Variants in RABGEF1 observed in about 807,000 individuals in gnomAD.
RABGEF1 encodes rab5 GDP/GTP exchange factor.
RABGEF1 carries 26 observed loss-of-function variants against 57.3 expected under a neutral mutation model. The observed-to-expected ratio is 0.45, with a 90% CI of 0.33 to 0.63. RABGEF1 has a LOEUF of 0.63. RABGEF1 is among the 20% of genes least tolerant of loss of function. The pLI, the probability that RABGEF1 is intolerant of heterozygous loss-of-function variation, is 0.02. For missense variants in RABGEF1, 464 were observed against 607.6 expected (o/e 0.76, Z 2.48); for synonymous variants, 185 against 210.7 (o/e 0.88, Z 1.06).
chr7:66,727,816 T>A (rs1477169679), intron 2 of RABGEF1, among the ~76,000 whole-genome samples: 1 of 152,186 alleles, frequency 6.6e-6, no homozygotes, highest in East Asian at 1.9e-4. Flanking sequence ...TCTGTGTTCA[T>A]GTTAACAATA....
chr7:66,724,809 G>A (rs1796421996), intron 2 of RABGEF1, among the ~76,000 whole-genome samples: 3 of 152,058 alleles, frequency 2.0e-5, no homozygotes, highest in Admixed American at 1.3e-4. Flanking sequence ...GATTAATATT[G>A]TCCTATAGGT....
intron 2 of RABGEF1, among the ~76,000 whole-genome samples, chr7:66,717,182 A>G (rs1414609015): frequency 6.6e-6 from 1 of 152,114 alleles, no homozygotes; most frequent in Non-Finnish European, 1.5e-5. Flanking sequence ...TTATTTTATT[A>G]TATCTCTTTG....
chr7:66,769,091 A>C (rs1454147906), intron 1 of RABGEF1: 3 of 152,306 alleles, frequency 2.0e-5, no homozygotes, highest in East Asian at 1.9e-4. Flanking sequence ...GCTGGAGCCC[A>C]AACTAGAGGA....
intron 2 of RABGEF1, among the ~76,000 whole-genome samples, chr7:66,712,572 G>C (rs1282067094): frequency 6.6e-6 from 1 of 152,056 alleles, no homozygotes. Flanking sequence ...CCGGGCTGAA[G>C]GGATCCTCGC....
Position 66,800,523 on chromosome 7 carries a change from T to G in RABGEF1, c.820+1109T>G, listed in dbSNP as rs1338992718. ...CAAGTGGCCCAGATCAATACTATTG[T>G]TTTTTTTTCTTGCAAGCTTTTCTGC... On this transcript the variant is annotated intron_variant, in intron 7 of 8. Coordinates refer to ENST00000284957, the MANE Select transcript of RABGEF1 (RefSeq NM_014504.3). 2.6e-5 allele frequency among the ~76,000 whole-genome samples: 4 copies of G among 151,426 alleles called. No individual in the cohort carries two copies. The South Asian group carries it at 6.3e-4, about 24-fold the overall frequency.
intron 4 of RABGEF1, among the ~76,000 whole-genome samples, chr7:66,784,074 G>T (rs1163019863): frequency 6.6e-6 from 1 of 152,218 alleles, no homozygotes; most frequent in African/African-American, 2.4e-5. Context: ...ATTCTGACCT[G>T]AAGCCACTTG....
At chr7:66,720,261 G>A (rs1229238779) in intron 2 of RABGEF1, among the ~76,000 whole-genome samples, 2 of 148,178 alleles carry the variant, frequency 1.3e-5, no homozygotes, top group African/African-American at 2.5e-5. Flanking sequence ...GCAGTGGCGC[G>A]ATCTCGGCTC....
intron 1 of RABGEF1, among the ~76,000 whole-genome samples, chr7:66,709,181 G>T (rs1297960305): frequency 6.6e-6 from 1 of 151,824 alleles, no homozygotes; most frequent in Non-Finnish European, 1.5e-5. Context: ...GCTAATTTTT[G>T]TATTTTTAGT....
At chr7:66,730,557 C>CTTTTTTTTT (rs888301191) in intron 2 of RABGEF1, among the ~76,000 whole-genome samples, 2 of 130,852 alleles carry the variant, frequency 1.5e-5, no homozygotes, top group Admixed American at 7.8e-5. Flanking sequence ...GTTTCTTTTT[C>CTTTTTTTTT]TTTTTTTTTT....
Position 66,705,489 on chromosome 7 carries a change from AG to A in RABGEF1, c.-872-6672del, listed in dbSNP as rs559187584. Among the ~76,000 whole-genome samples the A allele has an allele frequency of 5.6e-4, 36 of 64,310 alleles. 1 individual carries two copies. In the South Asian group the frequency reaches 0.015, roughly 26 times the overall value. 42.2% of individuals were successfully genotyped at this position (64,310 alleles called of 152,430 possible). ...AGAGAGAGAGAGAGAGAGAGAGAGGAGGGGGGAGGGGGAGGAAGCAGAGGAG... is the reference window on the plus strand; with the variant it reads ...AGAGAGAGAGAGAGAGAGAGAGAGGAGGGGGAGGGGGAGGAAGCAGAGGAG... On this transcript the variant is annotated intron_variant and NMD_transcript_variant, in intron 1 of 9. Transcript: ENST00000607882.
At chr7:66,776,013 A>T (rs2129125143) in intron 3 of RABGEF1, among the ~76,000 whole-genome samples, 1 of 152,350 alleles carries the variant, frequency 6.6e-6, no homozygotes, top group South Asian at 2.1e-4. Context: ...CTTAAGTCAC[A>T]GTTGTTCTAC....
chr7:66,736,394 C>T (rs1183633784), upstream of RABGEF1, among the ~76,000 whole-genome samples: 4 of 152,156 alleles, frequency 2.6e-5, no homozygotes, highest in South Asian at 2.1e-4. Flanking sequence ...ACAACCTATA[C>T]CACTATATGG....
intron 1 of RABGEF1, among the ~76,000 whole-genome samples, chr7:66,741,120 G>A (rs895654199): frequency 1.4e-4 from 21 of 152,154 alleles, no homozygotes; most frequent in Non-Finnish European, 2.6e-4. Context: ...CTCTCCGGCG[G>A]CTCCCCTCGC....
chr7:66,789,682 C>CAAAAA (rs35661980), intron 4 of RABGEF1, among the ~76,000 whole-genome samples: 1 of 57,466 alleles, frequency 1.7e-5, no homozygotes, highest in African/African-American at 7.5e-5. Context: ...GACTCTATCT[C>CAAAAA]AAAAAAAAAA....
chr7:66,659,790 A>T, the RABGEF1 span, among the ~76,000 whole-genome samples: 428 of 151,936 alleles, frequency 2.8e-3, 2 homozygotes, highest in African/African-American at 9.9e-3. Flanking sequence ...AAAAAAATAA[A>T]TAAATAAAAA....
intron 1 of RABGEF1, among the ~76,000 whole-genome samples, chr7:66,705,927 G>A (rs1250644450): frequency 8.7e-6 from 1 of 114,430 alleles, no homozygotes; most frequent in African/African-American, 3.5e-5. Flanking sequence ...ACGGAGTCTC[G>A]CTTTGTCGCC....
intron 4 of RABGEF1, among the ~76,000 whole-genome samples, chr7:66,794,001 T>C (rs965093583): frequency 6.6e-6 from 1 of 152,220 alleles, no homozygotes; most frequent in African/African-American, 2.4e-5. Context: ...TTTTTGATTT[T>C]GGTGTCAGAA....
At chr7:66,756,997 A>G (rs1400451916) in intron 1 of RABGEF1, among the ~76,000 whole-genome samples, 1 of 152,222 alleles carries the variant, frequency 6.6e-6, no homozygotes, top group African/African-American at 2.4e-5. Flanking sequence ...AAAAATTCAG[A>G]AAATTAATTT....
chr7:66,795,758 C>T (rs142831425), intron 5 of RABGEF1, among the ~76,000 whole-genome samples, 166 bp downstream of exon 5: 66 of 152,328 alleles, frequency 4.3e-4, no homozygotes, highest in African/African-American at 1.6e-3. Context: ...TGCCTTTGAA[C>T]TGTACCATGC....
Sources: allele counts gnomAD v4.1 joint callset (sites outside exome capture counted in the v4.1 genomes callset), GRCh38; gene constraint gnomAD v4.1.1; transcripts MANE v1.5; gene names NCBI Gene and HGNC (gene_info 2026-07-23, HGNC 2026-07-21).